Variants in GALNT13 observed in about 807,000 individuals in gnomAD.
GALNT13 encodes the protein polypeptide N-acetylgalactosaminyltransferase 13, also known as UDP-GalNAc:polypeptide N-acetylgalactosaminyltransferase 13.
A neutral mutation model predicts 64.2 loss-of-function variants in GALNT13; 28 were observed. That is an observed-to-expected ratio of 0.44 (90% CI 0.32 to 0.60). The LOEUF is 0.60. Ranked by LOEUF, GALNT13 falls within the 20% of genes least tolerant of loss-of-function variation. GALNT13 has a pLI of 0.05. For synonymous variants in GALNT13, 214 were observed against 224.6 expected, an observed-to-expected ratio of 0.95 and a Z score of 0.42; for missense variants, 577 against 669.8, an observed-to-expected ratio of 0.86 and a Z score of 1.53.
At chr2:153,698,190 T>A in the GALNT13 span, among the ~76,000 whole-genome samples, 1 of 152,144 alleles carries the variant, frequency 6.6e-6, no homozygotes, top group Admixed American at 6.5e-5. Flanking sequence ...CATCAACTAG[T>A]ATGCAAAACA....
At chr2:153,789,768 G>A in the GALNT13 span, among the ~76,000 whole-genome samples, 1 of 152,032 alleles carries the variant, frequency 6.6e-6, no homozygotes, top group African/African-American at 2.4e-5. Context: ...TAACCCCCCA[G>A]AAAAACACAT....
chr2:153,955,311 T>C (rs1042278506), intron 3 of GALNT13, among the ~76,000 whole-genome samples: 3 of 152,172 alleles, frequency 2.0e-5, no homozygotes, highest in Non-Finnish European at 4.4e-5. Context: ...CAGAAAGTGG[T>C]ACCTGCTGTA....
chr2:153,978,557 T>C (rs372408668), intron 3 of GALNT13, among the ~76,000 whole-genome samples: 1 of 152,092 alleles, frequency 6.6e-6, no homozygotes, highest in African/African-American at 2.4e-5. Flanking sequence ...ATAAGCCTCA[T>C]GAGATCTGAT....
At chr2:153,380,467 C>T in the GALNT13 span, among the ~76,000 whole-genome samples, 1 of 151,898 alleles carries the variant, frequency 6.6e-6, no homozygotes, top group Admixed American at 6.6e-5. Flanking sequence ...GCAAGATCCT[C>T]TCTCTAAATA....
chr2:153,638,820 A>G, the GALNT13 span, among the ~76,000 whole-genome samples: 2 of 152,112 alleles, frequency 1.3e-5, no homozygotes, highest in African/African-American at 4.8e-5. Context: ...ATTGGCTAAG[A>G]GTGAAGATAC....
At chr2:153,544,503 A>G in the GALNT13 span, among the ~76,000 whole-genome samples, 164 of 152,310 alleles carry the variant, frequency 1.1e-3, 1 homozygote, top group African/African-American at 3.6e-3. Flanking sequence ...ACACATGTCA[A>G]TTTGGTATAT....
At chr2:154,409,437 T>G (rs1699695748) in intron 11 of GALNT13, 1 of 230,212 alleles carries the variant, frequency 4.3e-6, no homozygotes, top group Non-Finnish European at 8.5e-6. Flanking sequence ...CCAATGGTTA[T>G]TTTTATCCAT....
At chr2:153,277,908 C>CTTTTCTTTTTTTTTTTTTTTTTTT in the GALNT13 span, among the ~76,000 whole-genome samples, 2 of 69,590 alleles carry the variant, frequency 2.9e-5, no homozygotes, top group Non-Finnish European at 6.6e-5. Context: ...TTTCTTTTTT[C>CTTTTCTTTTTTTTTTTTTTTTTTT]TTTTGTTTTC....
the GALNT13 span, among the ~76,000 whole-genome samples, chr2:153,507,734 T>G: frequency 3.3e-5 from 5 of 152,170 alleles, no homozygotes; most frequent in East Asian, 9.6e-4. Context: ...TTGGGGGTGC[T>G]AAAGAACCTT....
chr2:154,059,798 C>T (rs1171339476), intron 3 of GALNT13, among the ~76,000 whole-genome samples: 4 of 151,822 alleles, frequency 2.6e-5, no homozygotes, highest in African/African-American at 7.3e-5. Flanking sequence ...AAGATGCCTG[C>T]GGGAAAGAGA....
At chr2:153,368,463 C>T in the GALNT13 span, among the ~76,000 whole-genome samples, 266 of 152,186 alleles carry the variant, frequency 1.7e-3, 1 homozygote, top group African/African-American at 4.4e-3. Flanking sequence ...TTAAGCCACT[C>T]AGTCTATGAT....
At chr2:154,315,030 T>C (rs1326184432) in intron 9 of GALNT13, among the ~76,000 whole-genome samples, 1 of 152,152 alleles carries the variant, frequency 6.6e-6, no homozygotes, top group Non-Finnish European at 1.5e-5. Flanking sequence ...GCTTAAAGAA[T>C]TAAGAAACCC....
chr2:153,695,044 C>T, the GALNT13 span, among the ~76,000 whole-genome samples: 1 of 152,064 alleles, frequency 6.6e-6, no homozygotes, highest in Non-Finnish European at 1.5e-5. Flanking sequence ...CCAAAGAAAA[C>T]CAGGCACAAG....
chr2:154,180,019 A>G (rs1685869545), intron 4 of GALNT13, among the ~76,000 whole-genome samples: 1 of 152,184 alleles, frequency 6.6e-6, no homozygotes, highest in Non-Finnish European at 1.5e-5. Context: ...CAAACTTTAC[A>G]GAAGTATGCT....
chr2:154,118,342 C>A (rs1170395273), intron 3 of GALNT13, among the ~76,000 whole-genome samples: 1 of 139,420 alleles, frequency 7.2e-6, no homozygotes, highest in Non-Finnish European at 1.5e-5. Context: ...TATAACTATG[C>A]TGTCTATCTT....
chr2:153,408,633 TTTG>T, the GALNT13 span, among the ~76,000 whole-genome samples: 8 of 152,096 alleles, frequency 5.3e-5, no homozygotes, highest in Non-Finnish European at 1.0e-4. Flanking sequence ...GTTGGTGTTT[TTTG>T]TTGTTGTTGT....
the GALNT13 span, among the ~76,000 whole-genome samples, chr2:153,157,342 C>G: frequency 1.3e-5 from 2 of 152,184 alleles, no homozygotes; most frequent in Non-Finnish European, 2.9e-5. Flanking sequence ...TTTTTGGCAG[C>G]TATTGCTGCA....
At chr2:153,225,317 A>G in the GALNT13 span, among the ~76,000 whole-genome samples, 2 of 152,246 alleles carry the variant, frequency 1.3e-5, no homozygotes, top group African/African-American at 4.8e-5. Flanking sequence ...CCTCTTGTCA[A>G]ACTAGGAATA....
intron 3 of GALNT13, among the ~76,000 whole-genome samples, chr2:153,945,605 A>G (rs1277849017): frequency 6.6e-6 from 1 of 152,158 alleles, no homozygotes; most frequent in African/African-American, 2.4e-5. Context: ...TCTGCTTTTA[A>G]TGTTATACAT....
Sources: gnomAD v4.1 joint callset for allele counts (sites outside exome capture counted in the v4.1 genomes callset) on GRCh38, gnomAD v4.1.1 for gene constraint, MANE v1.5 for transcripts, NCBI Gene and HGNC (gene_info 2026-07-23, HGNC 2026-07-21) for gene names.